PPM1L: variants seen among roughly 807,000 people sequenced by gnomAD.
The protein encoded by PPM1L is protein phosphatase 1L.
A neutral mutation model predicts 31.4 loss-of-function variants in PPM1L; 13 were observed. That is an observed-to-expected ratio of 0.41 (90% CI 0.27 to 0.66). PPM1L has a LOEUF of 0.66. Ranked by LOEUF, PPM1L falls within the 30% of genes least tolerant of loss-of-function variation. The probability of loss-of-function intolerance (pLI) is 0.29; values close to 1 mark genes in which losing one functional copy is unlikely to be tolerated. For synonymous variants in PPM1L, 184 were observed against 175.4 expected, an observed-to-expected ratio of 1.05 and a Z score of -0.39; for missense variants, 326 against 453.7, an observed-to-expected ratio of 0.72 and a Z score of 2.56.
At chr3:160,975,669 CTGTT>C (rs778553742) in intron 2 of PPM1L, among the ~76,000 whole-genome samples, 5 of 152,158 alleles carry the variant, frequency 3.3e-5, no homozygotes, top group Admixed American at 1.3e-4. Context: ...ATTTGGCTCT[CTGTT>C]TGTCTGTTGT....
intron 1 of PPM1L, among the ~76,000 whole-genome samples, chr3:160,845,025 C>T (rs1420079426): frequency 6.6e-6 from 1 of 152,104 alleles, no homozygotes; most frequent in East Asian, 1.9e-4. Flanking sequence ...TGGCTTCTTT[C>T]ACTTGAACAG....
intron 1 of PPM1L, among the ~76,000 whole-genome samples, chr3:160,829,528 T>A (rs2108096464): frequency 6.6e-6 from 1 of 152,276 alleles, no homozygotes; most frequent in East Asian, 1.9e-4. Flanking sequence ...AGAGGGAGGC[T>A]CTTTTGCGTT....
intron 1 of PPM1L, among the ~76,000 whole-genome samples, chr3:160,805,246 G>A (rs1415365491): frequency 1.3e-5 from 2 of 152,046 alleles, no homozygotes; most frequent in African/African-American, 4.8e-5. Flanking sequence ...CTTAATATTT[G>A]CCAAATTGTT....
At position 160,944,803 on chromosome 3, in the gene PPM1L, A is replaced by ATATATGT. The variant is rs752118269; in HGVS notation, c.400-16928_400-16927insGTTATAT. 1.6e-3 allele frequency among the ~76,000 whole-genome samples: 94 copies of ATATATGT among 59,248 alleles called. 2 individuals carry two copies. In the East Asian group the frequency reaches 0.025, roughly 16 times the overall value. 38.9% of individuals were successfully genotyped at this position (59,248 alleles called of 152,430 possible). ...TTATATTATATATGTTATATATAAC[A>ATATATGT]TATATAACATATATATGTTATATAT... On this transcript the variant is annotated intron_variant, in intron 1 of 3. Coordinates refer to ENST00000498165, the MANE Select transcript of PPM1L (RefSeq NM_139245.4).
At chr3:160,791,492 T>C (rs1201711069) in intron 1 of PPM1L, among the ~76,000 whole-genome samples, 1 of 152,176 alleles carries the variant, frequency 6.6e-6, no homozygotes, top group African/African-American at 2.4e-5. Flanking sequence ...CATAATTTTC[T>C]TTAAATCTAC....
intron 1 of PPM1L, among the ~76,000 whole-genome samples, chr3:160,914,587 G>C (rs1714091941): frequency 6.6e-6 from 1 of 151,932 alleles, no homozygotes; most frequent in Admixed American, 6.6e-5. Flanking sequence ...ATGGTTTCCA[G>C]CTTCATCTGT....
intron 1 of PPM1L, among the ~76,000 whole-genome samples, chr3:160,943,181 G>C (rs1034566088): frequency 6.6e-6 from 1 of 152,164 alleles, no homozygotes; most frequent in Non-Finnish European, 1.5e-5. Flanking sequence ...TCAGGGTAAT[G>C]TGCTGTGGAA....
chr3:160,976,916 C>T (rs1716608539), intron 2 of PPM1L, among the ~76,000 whole-genome samples: 1 of 152,166 alleles, frequency 6.6e-6, no homozygotes, highest in Non-Finnish European at 1.5e-5. Flanking sequence ...CTTCAGCTAG[C>T]TTTTGAATGT....
intron 1 of PPM1L, among the ~76,000 whole-genome samples, chr3:160,778,047 GGAGTA>G (rs1179080057): frequency 6.6e-6 from 1 of 151,962 alleles, no homozygotes; most frequent in Non-Finnish European, 1.5e-5. Flanking sequence ...TAATATTTGG[GGAGTA>G]GCCATTTTTA....
chr3:160,778,736 G>T (rs1427638473), intron 1 of PPM1L, among the ~76,000 whole-genome samples: 1 of 152,156 alleles, frequency 6.6e-6, no homozygotes, highest in Admixed American at 6.5e-5. Flanking sequence ...GGGGAAAGTT[G>T]TCCAATGTGT....
intron 2 of PPM1L, among the ~76,000 whole-genome samples, chr3:161,001,301 T>C (rs530337781): frequency 5.9e-5 from 9 of 152,274 alleles, no homozygotes; most frequent in African/African-American, 2.2e-4. Context: ...TTTTGTTCTT[T>C]TGGGAGAGTC....
chr3:160,995,413 C>T (rs1052192910), intron 2 of PPM1L, among the ~76,000 whole-genome samples: 8 of 152,030 alleles, frequency 5.3e-5, no homozygotes, highest in East Asian at 1.9e-4. Flanking sequence ...CTCCACCTCC[C>T]GGGTTCAAGT....
intron 1 of PPM1L, among the ~76,000 whole-genome samples, chr3:160,925,319 T>G (rs1714549870): frequency 6.6e-6 from 1 of 152,178 alleles, no homozygotes; most frequent in Non-Finnish European, 1.5e-5. Context: ...GAATCATGAA[T>G]TTTTTGAGAG....
At chr3:160,939,209 G>A (rs1459772069) in intron 1 of PPM1L, among the ~76,000 whole-genome samples, 4 of 151,932 alleles carry the variant, frequency 2.6e-5, no homozygotes, top group Non-Finnish European at 2.9e-5. Flanking sequence ...CTGATCTTCC[G>A]CCATTTCCTT....
intron 1 of PPM1L, among the ~76,000 whole-genome samples, chr3:160,777,827 G>A (rs1560104563): frequency 6.6e-6 from 1 of 152,132 alleles, no homozygotes. Context: ...AGGAACATAG[G>A]TGTGCAAATA....
intron 1 of PPM1L, among the ~76,000 whole-genome samples, chr3:160,783,291 T>C (rs142783856): frequency 8.5e-5 from 13 of 152,302 alleles, no homozygotes; most frequent in African/African-American, 3.1e-4. Context: ...ATTTATCATG[T>C]CCTGTCTATA....
intron 1 of PPM1L, among the ~76,000 whole-genome samples, chr3:160,939,988 C>T (rs1715107838): frequency 6.6e-6 from 1 of 152,140 alleles, no homozygotes. Flanking sequence ...ATGATATGAA[C>T]AATAAGGTCC....
At chr3:160,821,033 C>T (rs1253405996) in intron 1 of PPM1L, among the ~76,000 whole-genome samples, 1 of 151,970 alleles carries the variant, frequency 6.6e-6, no homozygotes, top group African/African-American at 2.4e-5. Flanking sequence ...GAGAGCATCC[C>T]TGAATTTTAC....
Position 161,068,838 on chromosome 3 carries a change from GGAGGGTCCAGGGA to G in PPM1L, c.765_777del (p.Trp255Ter). ...GGTTTCATCAGTTTCAATGGCTCCTGGAGGGTCCAGGGAATCCTGGCCATGTCTCGGTCCCTGG... is the reference window on the plus strand; with the variant it reads ...GGTTTCATCAGTTTCAATGGCTCCTGATCCTGGCCATGTCTCGGTCCCTGG... On this transcript the variant is annotated frameshift_variant, in exon 4 of 4. Transcript: ENST00000498165. LOFTEE classifies it high-confidence loss of function. 1 of 1,613,632 alleles carries G rather than the reference GGAGGGTCCAGGGA, an allele frequency of 6.2e-7. No homozygotes were observed. Among genetic ancestry groups the G allele is most frequent in the Non-Finnish European group, 8.5e-7 (1 of 1,179,772 alleles).
Sources: gnomAD v4.1 joint callset for allele counts (sites outside exome capture counted in the v4.1 genomes callset) on GRCh38, gnomAD v4.1.1 for gene constraint, MANE v1.5 for transcripts, NCBI Gene and HGNC (gene_info 2026-07-23, HGNC 2026-07-21) for gene names.